Variants in LRP1B observed in about 807,000 individuals in gnomAD.
The protein encoded by LRP1B is low-density lipoprotein receptor-related protein 1B.
Under a neutral mutation model 556.6 loss-of-function variants are expected in LRP1B, and 217 were observed. That is an observed-to-expected ratio of 0.39 (90% CI 0.35 to 0.44). The LOEUF (loss-of-function observed/expected upper bound fraction) is 0.44. Ranked by LOEUF, LRP1B falls within the 20% of genes least tolerant of loss-of-function variation. LRP1B has a pLI of 1.00. For synonymous variants in LRP1B, 2,047 were observed against 1,865.8 expected (o/e 1.10, Z -2.50); for missense variants, 5,053 against 5,620.8 (o/e 0.90, Z 3.23).
intron 1 of LRP1B, among the ~76,000 whole-genome samples, chr2:141,985,410 T>C (rs1702159052): frequency 1.3e-5 from 2 of 152,140 alleles, no homozygotes; most frequent in African/African-American, 2.4e-5. Context: ...GGTTTAGCAA[T>C]GGTAATATGA....
intron 3 of LRP1B, among the ~76,000 whole-genome samples, chr2:141,466,863 T>TA (rs1348195582): frequency 6.6e-6 from 1 of 150,738 alleles, no homozygotes; most frequent in Non-Finnish European, 1.5e-5. Context: ...CTTTTTTTTT[T>TA]AATCCAGTCT....
chr2:141,559,221 A>C (rs1476634256), intron 2 of LRP1B, among the ~76,000 whole-genome samples: 1 of 151,440 alleles, frequency 6.6e-6, no homozygotes, highest in Non-Finnish European at 1.5e-5. Flanking sequence ...TTGTTTTAGG[A>C]ATGGTGAATA....
intron 7 of LRP1B, among the ~76,000 whole-genome samples, chr2:141,118,529 G>T (rs926022332): frequency 5.3e-5 from 8 of 151,820 alleles, no homozygotes; most frequent in Non-Finnish European, 1.0e-4. Context: ...AAATGTAATG[G>T]ATAGAAATTG....
At chr2:140,412,357 T>A (rs1685000384) in intron 66 of LRP1B, among the ~76,000 whole-genome samples, 1 of 152,112 alleles carries the variant, frequency 6.6e-6, no homozygotes, top group African/African-American at 2.4e-5. Context: ...CCAAATCAAC[T>A]TTTGCTCATC....
At chr2:140,447,242 A>G (rs1346429676) in intron 63 of LRP1B, among the ~76,000 whole-genome samples, 1 of 152,134 alleles carries the variant, frequency 6.6e-6, no homozygotes, top group African/African-American at 2.4e-5. Context: ...ATTTTGGGTA[A>G]CAGTATGCAG....
chr2:141,535,475 C>T (rs1441098052), intron 2 of LRP1B, among the ~76,000 whole-genome samples: 1 of 151,858 alleles, frequency 6.6e-6, no homozygotes, highest in African/African-American at 2.4e-5. Context: ...AAGATTTCTC[C>T]TATGAGCTTT....
At chr2:140,868,005 G>T (rs1172870547) in intron 26 of LRP1B, 94 bp downstream of exon 26, 52 of 1,353,694 alleles carry the variant, frequency 3.8e-5, no homozygotes, top group Non-Finnish European at 4.0e-6. Flanking sequence ...TTTAATATAT[G>T]TATACATGAT....
intron 6 of LRP1B, among the ~76,000 whole-genome samples, chr2:141,213,696 C>T (rs1402004487): frequency 2.0e-5 from 3 of 152,182 alleles, no homozygotes; most frequent in Non-Finnish European, 2.9e-5. Flanking sequence ...TGTGTATAAC[C>T]TATGCACATG....
rs1687152055 is a variant in LRP1B, at chr2:140,457,539, T to C, written c.9738A>G (p.Ala3246=). The C allele has an allele frequency of 1.9e-6, 3 of 1,613,876 alleles. No individual in the cohort carries two copies. Among genetic ancestry groups the C allele is most frequent in the East Asian group, 4.5e-5 (2 of 44,868 alleles). Residue 3246 remains alanine, a synonymous_variant, in exon 61 of 91, where the codon GCA becomes GCG. Coordinates refer to ENST00000389484, the MANE Select transcript of LRP1B (RefSeq NM_018557.3). ...ATGAGTAAATCAGTGAGAGTCTGTCTGCTCCCGATGTTTTATGGGCACGGC... is the reference window on the plus strand; with the variant it reads ...ATGAGTAAATCAGTGAGAGTCTGTCCGCTCCCGATGTTTTATGGGCACGGC... The part of the protein sequence containing the change: ...SLSRAHKTSG[A]DRLSLIYSWH...
intron 2 of LRP1B, among the ~76,000 whole-genome samples, chr2:141,666,085 A>G (rs1690419367): frequency 6.6e-6 from 1 of 152,168 alleles, no homozygotes; most frequent in Admixed American, 6.5e-5. Flanking sequence ...TTACATATGT[A>G]ACAAACCTGC....
intron 7 of LRP1B, among the ~76,000 whole-genome samples, chr2:141,186,665 T>C (rs1340267515): frequency 1.3e-5 from 2 of 152,100 alleles, no homozygotes; most frequent in Non-Finnish European, 1.5e-5. Flanking sequence ...TAAACAGTTA[T>C]GAGGCTTGAA....
Position 141,607,156 on chromosome 2 carries a change from C to CA in LRP1B, c.206-126624dup, listed in dbSNP as rs10540068. Among the ~76,000 whole-genome samples, 353 of 148,530 alleles carry CA rather than the reference C, an allele frequency of 2.4e-3. 1 individual carries two copies. Among genetic ancestry groups the CA allele is most frequent in the African/African-American group, 8.5e-3 (336 of 39,598 alleles). ...GAATTTTAACTACACATTACTTTGACAAAAAAAAAAAAACAATTAATAGAA... is the reference window on the plus strand; with the variant it reads ...GAATTTTAACTACACATTACTTTGACAAAAAAAAAAAAAACAATTAATAGAA... On this transcript the variant is annotated intron_variant, in intron 2 of 90. Transcript: ENST00000389484.
chr2:141,639,894 C>T (rs1229129520), intron 2 of LRP1B, among the ~76,000 whole-genome samples: 2 of 152,112 alleles, frequency 1.3e-5, no homozygotes, highest in Non-Finnish European at 2.9e-5. Context: ...CAACCTTACA[C>T]CCTAAGGCCT....
chr2:141,738,378 A>G (rs1332999366), intron 2 of LRP1B, among the ~76,000 whole-genome samples: 1 of 152,138 alleles, frequency 6.6e-6, no homozygotes, highest in Non-Finnish European at 1.5e-5. Context: ...CACATACACA[A>G]TGCAGTGCTC....
intron 1 of LRP1B, among the ~76,000 whole-genome samples, chr2:141,819,279 C>T (rs67057274): frequency 0.31 from 47,107 of 151,746 alleles, 8,090 homozygotes; most frequent in Non-Finnish European, 0.4. Flanking sequence ...AAAAAACTTT[C>T]CCAGTGAACT....
intron 6 of LRP1B, among the ~76,000 whole-genome samples, chr2:141,213,117 ATT>A (rs551951254): frequency 9.3e-5 from 13 of 140,288 alleles, no homozygotes; most frequent in African/African-American, 2.1e-4. Flanking sequence ...CAGCTAATTA[ATT>A]TTTTTTTTTT....
chr2:141,383,507 A>T (rs927659054), intron 3 of LRP1B, among the ~76,000 whole-genome samples: 4 of 152,184 alleles, frequency 2.6e-5, no homozygotes, highest in Non-Finnish European at 5.9e-5. Flanking sequence ...TGGTATACAG[A>T]TGCTCCTCAA....
intron 1 of LRP1B, among the ~76,000 whole-genome samples, chr2:141,911,765 C>T (rs539868058): frequency 4.5e-4 from 69 of 152,234 alleles, no homozygotes; most frequent in African/African-American, 1.4e-3. Context: ...TTTACTTCCT[C>T]TTTTATGGAT....
intron 2 of LRP1B, among the ~76,000 whole-genome samples, chr2:141,642,555 C>A (rs1190238388): frequency 2.6e-5 from 4 of 151,952 alleles, no homozygotes; most frequent in African/African-American, 7.3e-5. Context: ...AATATATAGA[C>A]CTTCTTAAAT....
Sources: allele counts gnomAD v4.1 joint callset (sites outside exome capture counted in the v4.1 genomes callset), GRCh38; gene constraint gnomAD v4.1.1; transcripts MANE v1.5; gene names NCBI Gene and HGNC (gene_info 2026-07-23, HGNC 2026-07-21).